LRRC73: variants seen among roughly 807,000 people sequenced by gnomAD.
LRRC73 encodes the protein leucine-rich repeat-containing protein 73.
In LRRC73, 16 loss-of-function variants were observed where a neutral mutation model predicts 26.4. The observed-to-expected ratio is 0.61, with a 90% CI of 0.41 to 0.92. The LOEUF (loss-of-function observed/expected upper bound fraction) is 0.92, where lower values mean the gene tolerates loss of function less well. LRRC73 is among the 40% of genes least tolerant of loss of function. The pLI is 0.00. For missense variants in LRRC73, 344 were observed against 416.3 expected (o/e 0.83, Z 1.51); for synonymous variants, 210 against 179.8 (o/e 1.17, Z -1.34).
exon 1 of LRRC73, chr6:43,509,882 G>A (rs1582168743): frequency 8.6e-7 from 1 of 1,161,436 alleles, no homozygotes. Context: ...GGCCCCGGCA[G>A]GGGTCGCGGG....
At position 43,507,568 on chromosome 6, in the gene LRRC73, C is replaced by T. The variant is rs753544148; in HGVS notation, c.768G>A (p.Glu256=). ...CTGCCACTTCCTCCTCCTCCTCTCC[C>T]TCAGAGAGGAGGTCACAGATCTGTT... Residue 256 remains glutamate (E), a synonymous_variant, in exon 5 of 6, where the codon GAG becomes GAA. Coordinates refer to ENST00000372441, the Ensembl canonical transcript of LRRC73. 9.3e-6 allele frequency: 15 copies of T among 1,613,758 alleles called. 1 individual carries two copies. In the Admixed American group the frequency reaches 1.2e-4, roughly 13 times the overall value.
chr6:43,507,470 C>G (rs754619599), exon 5 of LRRC73: 1 of 1,613,064 alleles, frequency 6.2e-7, no homozygotes, highest in Non-Finnish European at 8.5e-7. Flanking sequence ...GGGGCACATC[C>G]AGGAGCTGCT....
chr6:43,508,495 G>A (rs2127681288), intron 2 of LRRC73, 75 bp from the exon 3 acceptor site: 1 of 1,599,936 alleles, frequency 6.3e-7, no homozygotes, highest in Non-Finnish European at 8.5e-7. Flanking sequence ...CAATCCCTGT[G>A]TCTCTGGGGT....
chr6:43,507,535 A>G, exon 5 of LRRC73: 1 of 1,613,682 alleles, frequency 6.2e-7, no homozygotes. Flanking sequence ...GGGTGTCGCC[A>G]GCCCCTCCTG....
chr6:43,507,262 A>C (rs1484065576), exon 6 of LRRC73: 5 of 1,613,898 alleles, frequency 3.1e-6, no homozygotes, highest in Non-Finnish European at 4.2e-6. Context: ...CAGCCAACAG[A>C]CTGTCCCCTA....
intron 2 of LRRC73, 68 bp downstream of exon 2, chr6:43,508,692 C>T (rs1399288794): frequency 2.0e-6 from 3 of 1,530,626 alleles, no homozygotes; most frequent in African/African-American, 1.4e-5. Context: ...GGCCACACCC[C>T]CTTCCCTCTG....
chr6:43,509,959 G>A, exon 1 of LRRC73: 1 of 444,814 alleles, frequency 2.2e-6, no homozygotes, highest in East Asian at 4.3e-5. Context: ...AGGCTGCGGC[G>A]GGGGCGGAGA....
At chr6:43,507,119 G>A in exon 6 of LRRC73, 2 of 1,010,190 alleles carry the variant, frequency 2.0e-6, no homozygotes, top group South Asian at 1.5e-5. Flanking sequence ...AGCTGCCAGA[G>A]CCCCCATGCA....
At chr6:43,507,279 A>T in exon 6 of LRRC73, 1 of 1,613,956 alleles carries the variant, frequency 6.2e-7, no homozygotes. Flanking sequence ...CCTAGTCCTG[A>T]CGTCATTAGC....
At chr6:43,507,638 C>T (rs1414718697) in exon 5 of LRRC73, 1 of 1,614,116 alleles carries the variant, frequency 6.2e-7, no homozygotes, top group Non-Finnish European at 8.5e-7. Flanking sequence ...CACCAGGCTC[C>T]GCAAAGCTGT....
chr6:43,508,766 T>C, exon 2 of LRRC73: 1 of 1,609,102 alleles, frequency 6.2e-7, no homozygotes, highest in Non-Finnish European at 8.5e-7. Flanking sequence ...TCACCAGATT[T>C]GGCCCCATCT....
chr6:43,509,018 G>T, intron 1 of LRRC73, 98 bp from the exon 2 acceptor site: 1 of 1,273,016 alleles, frequency 7.9e-7, no homozygotes, highest in Non-Finnish European at 1.1e-6. Flanking sequence ...TATGGGGAGG[G>T]CAGTCACAGC....
exon 1 of LRRC73, chr6:43,509,693 G>A (rs751487148): frequency 1.3e-6 from 2 of 1,591,712 alleles, no homozygotes; most frequent in Non-Finnish European, 1.7e-6. Context: ...GTGAGAGCAG[G>A]CGCACGGCGT....
intron 2 of LRRC73, 37 bp from the exon 3 acceptor site, chr6:43,508,457 G>A (rs1792572900): frequency 6.2e-7 from 1 of 1,612,244 alleles, no homozygotes; most frequent in South Asian, 1.1e-5. Context: ...GAATAGGGAG[G>A]GTTAAGCCCT....
chr6:43,508,760 C>G (rs1561850123), exon 2 of LRRC73: 2 of 1,606,228 alleles, frequency 1.2e-6, no homozygotes, highest in Non-Finnish European at 1.7e-6. Context: ...TCCTGCTCAC[C>G]AGATTTGGCC....
chr6:43,507,214 G>A, exon 6 of LRRC73: 1 of 1,612,322 alleles, frequency 6.2e-7, no homozygotes, highest in East Asian at 2.2e-5. Flanking sequence ...TAAGTGAAAT[G>A]GTGTGCAGAG....
chr6:43,507,455 C>A lies in LRRC73; in HGVS notation c.880+1G>T. The A allele has an allele frequency of 6.2e-7, 1 of 1,612,868 alleles. No individual in the cohort carries two copies. Among genetic ancestry groups the A allele is most frequent in the Non-Finnish European group, 8.5e-7 (1 of 1,179,936 alleles). On this transcript the variant is annotated splice_donor_variant, in intron 5 of 5. Transcript: ENST00000372441. LOFTEE classifies it high-confidence loss of function. ...CTCTGATCAACCCTCTGGGTTCTTA[C>A]CGCTGGGGCACATCCAGGAGCTGCT... is the stretch of plus-strand genomic sequence containing the variant.
At chr6:43,510,131 C>A in exon 1 of LRRC73, 1 of 192,044 alleles carries the variant, frequency 5.2e-6, no homozygotes. Context: ...CGCTGCTCGG[C>A]GCTTGTCCTT....
At chr6:43,509,812 C>T in exon 1 of LRRC73, 1 of 1,488,330 alleles carries the variant, frequency 6.7e-7, no homozygotes, top group Non-Finnish European at 8.9e-7. Flanking sequence ...CCTCCGGGTA[C>T]GGGGCCGGAA....
Sources: gnomAD v4.1 joint callset for allele counts on GRCh38, gnomAD v4.1.1 for gene constraint, MANE v1.5 for transcripts, NCBI Gene and HGNC (gene_info 2026-07-23, HGNC 2026-07-21) for gene names.